Variants in AARS1 observed in about 807,000 individuals in gnomAD.
AARS1 encodes the protein alanyl-tRNA synthetase 1, also known as alanine--tRNA ligase, cytoplasmic.
A neutral mutation model predicts 108.9 loss-of-function variants in AARS1; 72 were observed. The observed-to-expected ratio is 0.66, with a 90% confidence interval of 0.55 to 0.80. The LOEUF is 0.80. Ranked by LOEUF, AARS1 falls within the 30% of genes least tolerant of loss-of-function variation. The probability of loss-of-function intolerance (pLI) is 0.00; values close to 1 mark genes in which losing one functional copy is unlikely to be tolerated. For synonymous variants in AARS1, 489 were observed against 465.7 expected, an observed-to-expected ratio of 1.05 and a Z score of -0.64; for missense variants, 1,193 against 1,233.2, an observed-to-expected ratio of 0.97 and a Z score of 0.49.
At chr16:70,273,486 G>A (rs1567609146) in intron 4 of AARS1, among the ~76,000 whole-genome samples, 1 of 152,138 alleles carries the variant, frequency 6.6e-6, no homozygotes, top group South Asian at 2.1e-4. Flanking sequence ...GAAAGGTCAA[G>A]GCAGGTAGAT....
At chr16:70,269,059 C>T (rs1286976488) in intron 7 of AARS1, among the ~76,000 whole-genome samples, 1 of 152,050 alleles carries the variant, frequency 6.6e-6, no homozygotes, top group Non-Finnish European at 1.5e-5. Context: ...CACGGTGGCT[C>T]ACGCCTGTAA....
intron 1 of AARS1, among the ~76,000 whole-genome samples, chr16:70,288,684 A>G (rs2152174321): frequency 6.6e-6 from 1 of 150,410 alleles, no homozygotes; most frequent in South Asian, 2.1e-4. Flanking sequence ...CTCATGCCTC[A>G]GCCTCCGGAG....
At chr16:70,282,448 G>A (rs753861239) in intron 2 of AARS1, among the ~76,000 whole-genome samples, 172 bp downstream of exon 2, 6 of 151,276 alleles carry the variant, frequency 4.0e-5, no homozygotes, top group Non-Finnish European at 7.4e-5. Flanking sequence ...CTACAGGCCC[G>A]CAATATTATT....
At chr16:70,269,362 A>AAAAAAAAAC (rs1491483888) in intron 7 of AARS1, among the ~76,000 whole-genome samples, 1 of 121,184 alleles carries the variant, frequency 8.3e-6, no homozygotes, top group African/African-American at 3.2e-5. Context: ...AAAAAAAAAC[A>AAAAAAAAAC]ACCGTCTCTA....
At position 70,254,663 on chromosome 16, in the gene AARS1, A is replaced by C; in HGVS notation, c.2358T>G (p.Ala786=). ...TCTCCCTCTGCACATCCTTGTTTGG[A>C]GCAGTCTGAGCCTTCACTTTGGCTT... ...VMEAKVKAQT[A]PNKDVQREIA... Residue 786 remains alanine (A), a synonymous_variant, in exon 17 of 21, where the codon GCT becomes GCG. Coordinates refer to ENST00000261772, the MANE Select transcript of AARS1 (RefSeq NM_001605.3). 1.9e-6 allele frequency: 3 copies of C among 1,614,032 alleles called. No homozygotes were observed. The highest frequency in any genetic ancestry group is 3.3e-4 in the Middle Eastern group (2 of 6,062).
intron 6 of AARS1, 77 bp downstream of exon 6, chr16:70,270,119 T>C: frequency 6.4e-7 from 1 of 1,568,558 alleles, no homozygotes; most frequent in South Asian, 1.1e-5. Context: ...ATGGTCATTT[T>C]TTCTTTGACA....
rs1344681812 is a variant in AARS1, at chr16:70,269,671, C to A, written c.909G>T (p.Arg303=). ...CATCAGCCAGTGCCACAGTGATGGT[C>A]CGAGCGTGGTCAGCCAGCACCCGGT... ...MAYRVLADHA[R]TITVALADGG... The change falls in exon 7 of 21, where the codon CGG becomes CGT. Residue 303 remains arginine (R), a synonymous_variant. Transcript: ENST00000261772. 5.0e-6 allele frequency: 8 copies of A among 1,614,112 alleles called. No individual in the cohort carries two copies. Among genetic ancestry groups the A allele is most frequent in the Non-Finnish European group, 6.8e-6 (8 of 1,180,016 alleles).
Position 70,255,812 on chromosome 16 carries a change from T to A in AARS1, c.2202A>T (p.Ala734=), listed in dbSNP as rs771192019. The change falls in exon 16 of 21, where the codon GCA becomes GCT. Residue 734 remains alanine, a synonymous_variant. Coordinates refer to ENST00000261772, the MANE Select transcript of AARS1 (RefSeq NM_001605.3). ...GGTHLRNSSH[A]GAFVIVTEEA... is the part of the protein sequence containing the mutation. ...CTTCCGTCACGATCACAAAAGCTCC[T>A]GCATGACTCGAGTTCCGCAGGTGCC... The A allele has an allele frequency of 5.0e-6, 8 of 1,614,072 alleles. No individual in the cohort carries two copies. In the East Asian group the frequency reaches 1.8e-4, roughly 36 times the overall value.
At chr16:70,272,026 C>T in intron 4 of AARS1, 54 bp from the exon 5 acceptor site, 1 of 1,560,908 alleles carries the variant, frequency 6.4e-7, no homozygotes, top group African/African-American at 1.4e-5. Flanking sequence ...GAGTTCTGCC[C>T]AGACTTGCAA....
chr16:70,289,417 C>G lies in AARS1; in HGVS notation c.-22+4G>C. ...CACCGCAGAGCTCTCCGAGGGCGGC[C>G]TACCTCTCCTAGGGTCGCCGTCCCC... is the stretch of plus-strand genomic sequence containing the variant. On this transcript the variant is annotated splice_donor_region_variant and intron_variant, in intron 1 of 20. Coordinates refer to ENST00000261772, the MANE Select transcript of AARS1 (RefSeq NM_001605.3). 2.6e-6 allele frequency: 1 copy of G among 386,664 alleles called. No homozygotes were observed. Among genetic ancestry groups the G allele is most frequent in the Non-Finnish European group, 5.2e-6 (1 of 192,302 alleles). The allele number at this position is 386,664 out of a possible 1,614,324, so 24.0% of individuals were successfully genotyped here. A position where few individuals can be genotyped will look rare whatever the true frequency, so the allele number is the denominator to read the frequency against.
chr16:70,286,156 CCATTT>C (rs557616225), intron 1 of AARS1, among the ~76,000 whole-genome samples: 241 of 152,182 alleles, frequency 1.6e-3, no homozygotes, highest in Non-Finnish European at 2.8e-3. Flanking sequence ...TTGTTTACCC[CCATTT>C]ATTTATTCAA....
At chr16:70,264,846 C>T (rs1960225829) in intron 11 of AARS1, 112 bp downstream of exon 11, 1 of 1,394,822 alleles carries the variant, frequency 7.2e-7, no homozygotes, top group South Asian at 1.2e-5. Flanking sequence ...TACGGCACTC[C>T]AGGAGAGGCT....
intron 19 of AARS1, 156 bp from the exon 20 acceptor site, chr16:70,253,537 C>T: frequency 9.8e-7 from 1 of 1,020,042 alleles, no homozygotes. Flanking sequence ...GCGCCGGGCC[C>T]TGCCCCTACC....
chr16:70,274,233 C>T (rs1269769813), intron 4 of AARS1, among the ~76,000 whole-genome samples: 2 of 150,850 alleles, frequency 1.3e-5, no homozygotes, highest in African/African-American at 4.9e-5. Context: ...CCCAGCTACT[C>T]GGGAGGCTGA....
rs77749002 is a variant in AARS1, at chr16:70,279,217, G to T, written c.145-2063C>A. On this transcript the variant is annotated intron_variant, in intron 2 of 20. Transcript: ENST00000261772. Reference sequence around the variant, plus strand: ...ATATAAAAATTAGACAGGCATGGTGGGGGGGTGCCTGTAGTCCCAGCTACT... The same window carrying T: ...ATATAAAAATTAGACAGGCATGGTGTGGGGGTGCCTGTAGTCCCAGCTACT... 7.7e-3 allele frequency among the ~76,000 whole-genome samples: 1,170 copies of T among 151,718 alleles called. 12 individuals carry two copies. Among genetic ancestry groups the T allele is most frequent in the African/African-American group, 0.027 (1,096 of 41,318 alleles).
At chr16:70,254,099 G>C in intron 17 of AARS1, 61 bp from the exon 18 acceptor site, 1 of 1,607,610 alleles carries the variant, frequency 6.2e-7, no homozygotes, top group Non-Finnish European at 8.5e-7. Flanking sequence ...TCAGGGTCCA[G>C]CCCACCCCAC....
intron 17 of AARS1, chr16:70,254,254 G>A (rs2152150464): frequency 1.5e-6 from 1 of 655,018 alleles, no homozygotes; most frequent in Non-Finnish European, 2.7e-6. Context: ...CCCAAATCAG[G>A]CCCGGTCCTT....
intron 13 of AARS1, among the ~76,000 whole-genome samples, chr16:70,259,835 T>C (rs1597436276): frequency 1.3e-5 from 2 of 152,054 alleles, no homozygotes; most frequent in East Asian, 1.9e-4. Flanking sequence ...TGCTATGGCA[T>C]GATCTCGGCT....
intron 13 of AARS1, among the ~76,000 whole-genome samples, chr16:70,260,614 C>A (rs190669420): frequency 3.9e-5 from 6 of 151,980 alleles, no homozygotes; most frequent in Admixed American, 6.5e-5. Flanking sequence ...ACCAAATGCA[C>A]CTAAATTAAC....
Sources: allele counts gnomAD v4.1 joint callset (sites outside exome capture counted in the v4.1 genomes callset), GRCh38; gene constraint gnomAD v4.1.1; transcripts MANE v1.5; gene names NCBI Gene and HGNC (gene_info 2026-07-23, HGNC 2026-07-21).